GALNT16: variants seen among roughly 807,000 people sequenced by gnomAD.
The protein encoded by GALNT16 is UDP-GalNAc:polypeptide N-acetylgalactosaminyltransferase-like protein 1.
In GALNT16, 40 loss-of-function variants were observed where a neutral mutation model predicts 76.1. The ratio of observed to expected loss-of-function variants is 0.53; its 90% CI spans 0.41 to 0.68. The LOEUF is 0.68. GALNT16 is among the 30% of genes least tolerant of loss of function. GALNT16 has a pLI of 0.00. For synonymous variants in GALNT16, 276 were observed against 285.2 expected (o/e 0.97, Z 0.32); for missense variants, 621 against 731.9 (o/e 0.85, Z 1.75).
chr14:69,332,855 C>A (rs1362229739), intron 7 of GALNT16, among the ~76,000 whole-genome samples: 1 of 143,826 alleles, frequency 7.0e-6, no homozygotes. Context: ...GTACTTTCAT[C>A]CCCAGCTGAC....
chr14:69,313,985 G>A (rs983398567), intron 1 of GALNT16, among the ~76,000 whole-genome samples: 2 of 152,162 alleles, frequency 1.3e-5, no homozygotes, highest in African/African-American at 2.4e-5. Flanking sequence ...ACAAAGCAGC[G>A]GCTCTCAACT....
At chr14:69,295,848 G>A (rs1488358897) in intron 1 of GALNT16, among the ~76,000 whole-genome samples, 1 of 152,016 alleles carries the variant, frequency 6.6e-6, no homozygotes, top group Non-Finnish European at 1.5e-5. Flanking sequence ...CTAAGACCAA[G>A]GAGTATAAGA....
intron 1 of GALNT16, among the ~76,000 whole-genome samples, chr14:69,316,620 G>GCGTCCTGCAGGAGGTTTGAGCAA (rs2045103912): frequency 6.6e-6 from 1 of 152,136 alleles, no homozygotes; most frequent in Non-Finnish European, 1.5e-5. Context: ...GGTTTGAGCA[G>GCGTCCTGCAGGAGGTTTGAGCAA]GGCCCTGCAG....
At chr14:69,262,721 G>A (rs949811865) in intron 1 of GALNT16, among the ~76,000 whole-genome samples, 2 of 152,076 alleles carry the variant, frequency 1.3e-5, no homozygotes, top group Admixed American at 1.3e-4. Context: ...CCCCCCGTCA[G>A]GCACCACTTT....
rs964564020 is a variant in GALNT16, at chr14:69,261,197, G to A, written c.177+730G>A. Among the ~76,000 whole-genome samples the A allele has an allele frequency of 4.6e-5, 7 of 152,150 alleles. No individual in the cohort carries two copies. Among genetic ancestry groups the A allele is most frequent in the Admixed American group, 4.6e-4 (7 of 15,278 alleles). On this transcript the variant is annotated intron_variant, in intron 1 of 14. Coordinates refer to ENST00000448469, the MANE Select transcript of GALNT16 (RefSeq NM_001168368.2). This position sits in a 1 kb window ranked among gnomAD's most constrained non-coding sequence, Gnocchi z 6.4. ...ACATCTAAGCGGGCAGGGAAACAAAGGCAGTGTGGCACAGCGGGGGCGGCG... is the reference window on the plus strand; with the variant it reads ...ACATCTAAGCGGGCAGGGAAACAAAAGCAGTGTGGCACAGCGGGGGCGGCG...
chr14:69,289,241 T>C (rs1371758221), intron 1 of GALNT16, among the ~76,000 whole-genome samples: 2 of 152,158 alleles, frequency 1.3e-5, no homozygotes, highest in Non-Finnish European at 2.9e-5. Context: ...CTGGAGAGTC[T>C]TGAGAGTGGC....
At chr14:69,357,673 AT>A (rs1440459360), downstream of GALNT16, 1 of 152,170 alleles carries the variant, frequency 6.6e-6, no homozygotes, top group Non-Finnish European at 1.5e-5. Context: ...GTTGCTTCTG[AT>A]CCCCTCAAGC....
downstream of GALNT16, chr14:69,356,722 A>AT (rs34909387): frequency 0.43 from 64,352 of 150,148 alleles, 14,009 homozygotes; most frequent in Middle Eastern, 0.6. Flanking sequence ...TGCCCAGCTA[A>AT]TTTTTTTTGT....
At chr14:69,351,882 C>A (rs35286134) in intron 14 of GALNT16, 149 bp from the exon 15 acceptor site, 115,960 of 697,010 alleles carry the variant, frequency 0.17, 10,581 homozygotes, top group South Asian at 0.25. Context: ...ACTGTAAGAA[C>A]AAGGTCATGC....
At chr14:69,376,002 T>C in the GALNT16 span, among the ~76,000 whole-genome samples, 14 of 152,094 alleles carry the variant, frequency 9.2e-5, no homozygotes, top group African/African-American at 3.4e-4. Context: ...CAACCATGTA[T>C]TCCATTTCCC....
intron 1 of GALNT16, among the ~76,000 whole-genome samples, chr14:69,313,924 C>T (rs1007254877): frequency 1.3e-5 from 2 of 152,190 alleles, no homozygotes; most frequent in Non-Finnish European, 2.9e-5. Context: ...CCTTTAAGGT[C>T]CCTCGTAGTT....
the GALNT16 span, chr14:69,380,492 C>A: frequency 9.3e-7 from 1 of 1,076,896 alleles, no homozygotes; most frequent in African/African-American, 1.5e-5. Context: ...GCTGTACACA[C>A]CTGTGTTCCA....
intron 1 of GALNT16, among the ~76,000 whole-genome samples, chr14:69,297,073 T>C (rs1594830555): frequency 6.6e-6 from 1 of 152,360 alleles, no homozygotes; most frequent in Non-Finnish European, 1.5e-5. Flanking sequence ...TTTCAGTCTT[T>C]TACTCTTAAC....
At chr14:69,346,778 G>C (rs369479093) in intron 12 of GALNT16, among the ~76,000 whole-genome samples, 2 of 152,110 alleles carry the variant, frequency 1.3e-5, no homozygotes, top group African/African-American at 4.8e-5. Context: ...TCCGCCCATG[G>C]CTCCCCCATC....
chr14:69,287,170 T>A (rs1011748176), intron 1 of GALNT16, among the ~76,000 whole-genome samples: 1 of 152,250 alleles, frequency 6.6e-6, no homozygotes, highest in Non-Finnish European at 1.5e-5. Flanking sequence ...CAACTCTGCA[T>A]CACACCCTTC....
intron 1 of GALNT16, among the ~76,000 whole-genome samples, chr14:69,296,727 A>ATGATAGAT (rs1395424648): frequency 1.3e-5 from 1 of 74,698 alleles, no homozygotes; most frequent in Admixed American, 1.7e-4. Context: ...GGACAGATAG[A>ATGATAGAT]TGATAGATAG....
chr14:69,325,068 G>A (rs1333875025), intron 3 of GALNT16, among the ~76,000 whole-genome samples: 3 of 152,224 alleles, frequency 2.0e-5, no homozygotes, highest in Non-Finnish European at 4.4e-5. Flanking sequence ...GGCCTCAGGA[G>A]GGTGATGGAA....
At chr14:69,276,680 C>CA (rs11290964) in intron 1 of GALNT16, among the ~76,000 whole-genome samples, 72 of 142,586 alleles carry the variant, frequency 5.0e-4, no homozygotes, top group African/African-American at 7.4e-4. Flanking sequence ...GACTCTATCT[C>CA]AAAAAAAAAA....
chr14:69,372,283 A>G, the GALNT16 span, among the ~76,000 whole-genome samples: 2 of 152,082 alleles, frequency 1.3e-5, no homozygotes, highest in Admixed American at 6.6e-5. Context: ...ATCCATCCAC[A>G]GGCTCTTGGG....
Sources: allele counts gnomAD v4.1 joint callset (sites outside exome capture counted in the v4.1 genomes callset), GRCh38; gene constraint gnomAD v4.1.1; non-coding constraint Gnocchi (gnomAD v3.1); transcripts MANE v1.5; gene names NCBI Gene and HGNC (gene_info 2026-07-23, HGNC 2026-07-21).